The following MECOM variants were observed in gnomAD, a reference collection of about 807,000 sequenced individuals.
MECOM encodes MDS1 and EVI1 complex locus, also known as histone-lysine N-methyltransferase MECOM.
MECOM carries 13 observed loss-of-function variants against 116.3 expected under a neutral mutation model. That is an observed-to-expected ratio of 0.11 (90% confidence interval 0.07 to 0.18). The LOEUF (loss-of-function observed/expected upper bound fraction) is 0.18. Ranked by LOEUF, MECOM falls within the 10% of genes least tolerant of loss-of-function variation. The probability of loss-of-function intolerance (pLI) is 1.00; values close to 1 mark genes in which losing one functional copy is unlikely to be tolerated. For synonymous variants in MECOM, 528 were observed against 535.2 expected (o/e 0.99, Z 0.19); for missense variants, 1,299 against 1,509.0 (o/e 0.86, Z 2.31).
intron 2 of MECOM, among the ~76,000 whole-genome samples, chr3:169,286,252 G>C (rs1299324763): frequency 6.6e-6 from 1 of 152,116 alleles, no homozygotes; most frequent in Non-Finnish European, 1.5e-5. Context: ...ATGAGAGAGG[G>C]ACCCAGTAGG....
intron 2 of MECOM, chr3:169,145,135 T>C: frequency 1.2e-6 from 1 of 812,000 alleles, no homozygotes; most frequent in South Asian, 1.8e-5. Flanking sequence ...AAGATAGGGA[T>C]ATTATTAAAC....
intron 1 of MECOM, among the ~76,000 whole-genome samples, chr3:169,599,958 A>C (rs1322631778): frequency 6.6e-6 from 1 of 152,110 alleles, no homozygotes; most frequent in Non-Finnish European, 1.5e-5. Flanking sequence ...AATATTCTGC[A>C]CAACTACCTC....
At chr3:169,209,635 A>C (rs1559995896) in intron 2 of MECOM, among the ~76,000 whole-genome samples, 1 of 152,244 alleles carries the variant, frequency 6.6e-6, no homozygotes, top group Non-Finnish European at 1.5e-5. Context: ...AAAGAAATTC[A>C]AATCAAAACC....
At chr3:169,239,204 C>CT (rs992006709) in intron 2 of MECOM, among the ~76,000 whole-genome samples, 2 of 151,922 alleles carry the variant, frequency 1.3e-5, no homozygotes, top group Non-Finnish European at 2.9e-5. Context: ...TTGTTTAATC[C>CT]TTTTTTCTTA....
At chr3:169,467,099 T>A (rs1030042456) in intron 1 of MECOM, 1 of 152,212 alleles carries the variant, frequency 6.6e-6, no homozygotes, top group Non-Finnish European at 1.5e-5. Context: ...AACAACTTAC[T>A]GGTGAGTTTT....
intron 1 of MECOM, among the ~76,000 whole-genome samples, chr3:169,583,445 C>T (rs548310697): frequency 6.6e-6 from 1 of 152,084 alleles, no homozygotes; most frequent in Admixed American, 6.5e-5. Flanking sequence ...AACATGTTGT[C>T]CTCTCTCTCC....
chr3:169,222,127 C>A (rs6774561), intron 2 of MECOM, among the ~76,000 whole-genome samples: 2 of 152,024 alleles, frequency 1.3e-5, no homozygotes, highest in East Asian at 3.9e-4. Flanking sequence ...GAGAACATTC[C>A]CATCGTCACA....
chr3:169,208,124 A>T (rs1166516595), intron 2 of MECOM, among the ~76,000 whole-genome samples: 2 of 151,920 alleles, frequency 1.3e-5, no homozygotes, highest in African/African-American at 4.8e-5. Flanking sequence ...AACGAGTCTG[A>T]GATTCATGTC....
intron 1 of MECOM, among the ~76,000 whole-genome samples, chr3:169,412,530 T>C (rs764767365): frequency 3.3e-5 from 5 of 152,044 alleles, no homozygotes; most frequent in Non-Finnish European, 7.4e-5. Flanking sequence ...AGCTACGATC[T>C]ATTGATTTTC....
At chr3:169,393,736 G>C (rs1160155692) in intron 1 of MECOM, among the ~76,000 whole-genome samples, 1 of 151,960 alleles carries the variant, frequency 6.6e-6, no homozygotes, top group Non-Finnish European at 1.5e-5. Flanking sequence ...TTAACTGCTT[G>C]TTCTAACAGA....
intron 2 of MECOM, among the ~76,000 whole-genome samples, chr3:169,260,430 C>T (rs1757397104): frequency 6.6e-6 from 1 of 150,948 alleles, no homozygotes; most frequent in African/African-American, 2.4e-5. Context: ...CAGTTATTCT[C>T]TAAGGAGCAT....
intron 2 of MECOM, among the ~76,000 whole-genome samples, chr3:169,363,049 C>T (rs1728562000): frequency 6.6e-6 from 1 of 151,828 alleles, no homozygotes. Context: ...TCTTCACTAC[C>T]CTGTATGCCA....
chr3:169,609,331 T>G (rs979633244), intron 1 of MECOM, among the ~76,000 whole-genome samples: 1 of 152,152 alleles, frequency 6.6e-6, no homozygotes, highest in Non-Finnish European at 1.5e-5. Flanking sequence ...AACTATTTCA[T>G]GAGGACCATA....
chr3:169,585,946 A>G (rs1009832419), intron 1 of MECOM, among the ~76,000 whole-genome samples: 3 of 152,244 alleles, frequency 2.0e-5, no homozygotes, highest in Non-Finnish European at 2.9e-5. Flanking sequence ...GCAAATCCAT[A>G]TTAATTCTAA....
intron 2 of MECOM, among the ~76,000 whole-genome samples, chr3:169,235,544 AG>A (rs1241384157): frequency 1.3e-5 from 2 of 152,182 alleles, no homozygotes; most frequent in African/African-American, 4.8e-5. Context: ...ATAAAAAAGG[AG>A]GAATAAATAA....
chr3:169,353,559 A>T (rs1726749539), intron 2 of MECOM, among the ~76,000 whole-genome samples: 1 of 151,848 alleles, frequency 6.6e-6, no homozygotes, highest in African/African-American at 2.4e-5. Flanking sequence ...TAAGTAATGT[A>T]AATAGCTAAG....
intron 1 of MECOM, among the ~76,000 whole-genome samples, chr3:169,439,071 A>G (rs897733382): frequency 4.7e-5 from 7 of 148,854 alleles, no homozygotes; most frequent in Non-Finnish European, 8.9e-5. Context: ...GATATTTAAA[A>G]ATATATATAA....
chr3:169,188,849 C>T (rs1488679257), intron 2 of MECOM, among the ~76,000 whole-genome samples: 2 of 152,088 alleles, frequency 1.3e-5, no homozygotes, highest in Non-Finnish European at 2.9e-5. Context: ...CAAGCTGCTG[C>T]AAGTTGAAAC....
chr3:169,625,231 T>A (rs1455642340), intron 1 of MECOM, among the ~76,000 whole-genome samples: 1 of 152,198 alleles, frequency 6.6e-6, no homozygotes, highest in Non-Finnish European at 1.5e-5. Context: ...TAGATTTTTT[T>A]AAATTTCTAG....
Sources: allele counts gnomAD v4.1 joint callset (sites outside exome capture counted in the v4.1 genomes callset), GRCh38; gene constraint gnomAD v4.1.1; transcripts MANE v1.5; gene names NCBI Gene and HGNC (gene_info 2026-07-23, HGNC 2026-07-21).